MDGA2: variants seen among roughly 807,000 people sequenced by gnomAD.
The protein encoded by MDGA2 is MAM domain-containing glycosylphosphatidylinositol anchor protein 2.
In MDGA2, 40 loss-of-function variants were observed where a neutral mutation model predicts 117.8. The observed-to-expected ratio is 0.34, with a 90% confidence interval of 0.26 to 0.44. The LOEUF (loss-of-function observed/expected upper bound fraction) is 0.44, where lower values mean the gene tolerates loss of function less well. MDGA2 is among the 20% of genes least tolerant of loss of function. The probability of loss-of-function intolerance (pLI) is 1.00; values close to 1 mark genes in which losing one functional copy is unlikely to be tolerated. For missense variants in MDGA2, 1,123 were observed against 1,250.6 expected, an observed-to-expected ratio of 0.90 and a Z score of 1.54; for synonymous variants, 452 against 439.0, an observed-to-expected ratio of 1.03 and a Z score of -0.37.
intron 1 of MDGA2, among the ~76,000 whole-genome samples, chr14:47,540,518 A>ATGTG (rs1374889978): frequency 4.9e-5 from 3 of 61,180 alleles, no homozygotes; most frequent in African/African-American, 1.5e-4. Context: ...ATGTATATGT[A>ATGTG]TATGTGTGTG....
At chr14:47,328,887 C>A (rs1468974461) in intron 1 of MDGA2, among the ~76,000 whole-genome samples, 1 of 152,018 alleles carries the variant, frequency 6.6e-6, no homozygotes, top group Non-Finnish European at 1.5e-5. Context: ...GGCACTGCAT[C>A]CCCAAATAAA....
chr14:47,192,886 T>G (rs1355247330), intron 3 of MDGA2, among the ~76,000 whole-genome samples: 1 of 152,188 alleles, frequency 6.6e-6, no homozygotes, highest in African/African-American at 2.4e-5. Flanking sequence ...CAGATTGATA[T>G]TCACTGCTAT....
intron 1 of MDGA2, among the ~76,000 whole-genome samples, chr14:47,489,478 C>T (rs548627483): frequency 4.6e-5 from 7 of 151,792 alleles, no homozygotes; most frequent in East Asian, 3.9e-4. Flanking sequence ...TTTGGTGGCC[C>T]GTTTTACTTT....
chr14:47,131,756 T>A lies in MDGA2; in HGVS notation c.883A>T (p.Ile295Phe), dbSNP rs1394664900. Residue 295 changes from isoleucine (I) to phenylalanine (F), a missense_variant, in exon 5 of 17, where the codon ATT (isoleucine) becomes TTT (phenylalanine). By Grantham distance (21) the Ile-to-Phe change is conservative. Coordinates refer to ENST00000399232, the MANE Select transcript of MDGA2 (RefSeq NM_001113498.3). ...CIASVRNVCN[I>F]PDKMVSFRLS... is the part of the protein sequence containing the mutation. ...CTAAACGACACCATCTTATCAGGAA[T>A]ATTACATACATTCCTCACTGAAGCA... The A allele has an allele frequency of 1.3e-6, 2 of 1,584,844 alleles. No individual in the cohort carries two copies. The highest frequency in any genetic ancestry group is 2.7e-5 in the African/African-American group (2 of 74,640).
intron 3 of MDGA2, among the ~76,000 whole-genome samples, chr14:47,181,128 T>A (rs1884687235): frequency 2.0e-5 from 3 of 152,150 alleles, no homozygotes; most frequent in Non-Finnish European, 2.9e-5. Context: ...AATGTGCAGG[T>A]TTGTTACATA....
intron 1 of MDGA2, among the ~76,000 whole-genome samples, chr14:47,631,930 G>GTTTT (rs60646667): frequency 2.1e-5 from 3 of 145,104 alleles, no homozygotes; most frequent in Non-Finnish European, 4.5e-5. Flanking sequence ...ATTTTTTTAA[G>GTTTT]TTTTTTTTTT....
At position 47,600,874 on chromosome 14, in the gene MDGA2, T is replaced by C. The variant is rs80192708; in HGVS notation, c.280+73643A>G. Reference sequence around the variant, plus strand: ...ATGTTAGCCAGTAGGTTTCCCATGATTTAATGAGCAACTTTAACAAGAATT... The same window carrying C: ...ATGTTAGCCAGTAGGTTTCCCATGACTTAATGAGCAACTTTAACAAGAATT... On this transcript the variant is annotated intron_variant, in intron 1 of 16. Transcript: ENST00000399232. 8.1e-3 allele frequency among the ~76,000 whole-genome samples: 1,234 copies of C among 152,284 alleles called. 12 individuals are homozygous for C. The highest frequency in any genetic ancestry group is 0.027 in the African/African-American group (1,109 of 41,542).
intron 1 of MDGA2, among the ~76,000 whole-genome samples, chr14:47,359,728 A>G (rs11620638): frequency 0.53 from 73,225 of 137,902 alleles, 19,764 homozygotes; most frequent in East Asian, 0.9. Context: ...TCCAGCCTGG[A>G]CTGCAGAGCA....
chr14:47,613,448 T>A (rs1245544448), intron 1 of MDGA2, among the ~76,000 whole-genome samples: 2 of 149,474 alleles, frequency 1.3e-5, no homozygotes, highest in Non-Finnish European at 3.0e-5. Flanking sequence ...CAGGCAACTT[T>A]ACTTCATTTA....
chr14:47,439,570 C>T (rs1410634728), intron 1 of MDGA2, among the ~76,000 whole-genome samples: 1 of 152,090 alleles, frequency 6.6e-6, no homozygotes, highest in Non-Finnish European at 1.5e-5. Context: ...TGCAGAAAGA[C>T]ACATCTATAT....
intron 1 of MDGA2, among the ~76,000 whole-genome samples, chr14:47,523,920 T>A (rs1311694758): frequency 1.3e-5 from 2 of 152,198 alleles, no homozygotes; most frequent in African/African-American, 4.8e-5. Context: ...AGTTGAAACA[T>A]TTATTTTCCT....
intron 1 of MDGA2, among the ~76,000 whole-genome samples, chr14:47,427,836 G>A (rs1018392601): frequency 6.6e-6 from 1 of 152,132 alleles, no homozygotes. Flanking sequence ...AGTGCAGATT[G>A]TGTGACAGAT....
chr14:47,491,867 A>T (rs1187742561), intron 1 of MDGA2, among the ~76,000 whole-genome samples: 2 of 152,134 alleles, frequency 1.3e-5, no homozygotes, highest in Non-Finnish European at 2.9e-5. Flanking sequence ...CCTAAAAAAA[A>T]TTCTAACATA....
intron 2 of MDGA2, among the ~76,000 whole-genome samples, chr14:47,271,420 G>A (rs555254271): frequency 3.3e-5 from 5 of 152,234 alleles, no homozygotes; most frequent in African/African-American, 1.2e-4. Context: ...AAATAAAGTT[G>A]AAATGTAAAA....
At chr14:47,438,547 T>C (rs1317459862) in intron 1 of MDGA2, among the ~76,000 whole-genome samples, 1 of 152,172 alleles carries the variant, frequency 6.6e-6, no homozygotes, top group Non-Finnish European at 1.5e-5. Context: ...CTCATATGTG[T>C]AAACCAGTAT....
intron 1 of MDGA2, among the ~76,000 whole-genome samples, chr14:47,319,026 C>T (rs1415944690): frequency 6.6e-6 from 1 of 152,100 alleles, no homozygotes; most frequent in Non-Finnish European, 1.5e-5. Flanking sequence ...GGAGTAAAGA[C>T]TAATTGCCTT....
intron 10 of MDGA2, among the ~76,000 whole-genome samples, chr14:46,896,225 G>T (rs1336197220): frequency 6.6e-6 from 1 of 152,018 alleles, no homozygotes; most frequent in Non-Finnish European, 1.5e-5. Context: ...ACATACTGAT[G>T]TACCATAGCT....
intron 1 of MDGA2, among the ~76,000 whole-genome samples, chr14:47,400,280 A>T (rs1892106687): frequency 1.3e-5 from 2 of 152,144 alleles, no homozygotes; most frequent in Admixed American, 6.5e-5. Context: ...ATTCTCTCTC[A>T]AACTCACAAA....
At chr14:47,046,390 G>A (rs1475618874) in intron 7 of MDGA2, among the ~76,000 whole-genome samples, 1 of 151,594 alleles carries the variant, frequency 6.6e-6, no homozygotes, top group Non-Finnish European at 1.5e-5. Context: ...CTCATAGGTG[G>A]GAATTAAACA....
Sources: allele counts gnomAD v4.1 joint callset (sites outside exome capture counted in the v4.1 genomes callset), GRCh38; gene constraint gnomAD v4.1.1; transcripts MANE v1.5; gene names NCBI Gene and HGNC (gene_info 2026-07-23, HGNC 2026-07-21).